Variants in SYT6 observed in about 807,000 individuals in gnomAD.
SYT6 encodes the protein synaptotagmin-6.
In SYT6, 24 loss-of-function variants were observed where a neutral mutation model predicts 38.4. That is an observed-to-expected ratio of 0.62 (90% CI 0.45 to 0.88). The LOEUF is 0.88. SYT6 is among the 40% of genes least tolerant of loss of function. SYT6 has a pLI of 0.00. For missense variants in SYT6, 611 were observed against 621.0 expected, an observed-to-expected ratio of 0.98 and a Z score of 0.17; for synonymous variants, 265 against 241.9, an observed-to-expected ratio of 1.10 and a Z score of -0.89.
At chr1:114,103,498 T>C in intron 4 of SYT6, 103 bp downstream of exon 4, 1 of 1,496,766 alleles carries the variant, frequency 6.7e-7, no homozygotes, top group Non-Finnish European at 9.1e-7. Flanking sequence ...GAGCTGGTGC[T>C]TCTATTCTAA....
At chr1:114,105,341 C>T (rs34817006) in intron 3 of SYT6, among the ~76,000 whole-genome samples, 5,714 of 141,926 alleles carry the variant, frequency 0.04, 187 homozygotes, top group Non-Finnish European at 0.063. Flanking sequence ...GGCCCTGTCT[C>T]CCCCTACCTC....
intron 3 of SYT6, among the ~76,000 whole-genome samples, chr1:114,104,720 A>T (rs1406285617): frequency 6.6e-6 from 1 of 152,196 alleles, no homozygotes; most frequent in Non-Finnish European, 1.5e-5. Context: ...TTTATTGAGC[A>T]CCTGTTATGT....
At chr1:114,118,737 T>C (rs986933513) in intron 3 of SYT6, among the ~76,000 whole-genome samples, 19 of 152,086 alleles carry the variant, frequency 1.2e-4, no homozygotes, top group African/African-American at 4.3e-4. Flanking sequence ...GCATTTCCTC[T>C]CTCACCTCTT....
At chr1:114,097,098 GC>G (rs1372268198) in intron 6 of SYT6, among the ~76,000 whole-genome samples, 1 of 152,200 alleles carries the variant, frequency 6.6e-6, no homozygotes, top group Non-Finnish European at 1.5e-5. Context: ...GTCAGGAGGG[GC>G]CAAGATTGCA....
intron 3 of SYT6, among the ~76,000 whole-genome samples, chr1:114,120,822 C>G (rs1409444228): frequency 1.3e-5 from 2 of 152,200 alleles, no homozygotes; most frequent in African/African-American, 4.8e-5. Context: ...CCTGGGGCAC[C>G]TGCACTCAGG....
chr1:114,103,853 T>TA (rs1676110884), intron 3 of SYT6, 132 bp from the exon 4 acceptor site: 1 of 1,171,448 alleles, frequency 8.5e-7, no homozygotes, highest in African/African-American at 1.5e-5. Flanking sequence ...TTTTTAAGAC[T>TA]AAGGGACTGG....
At chr1:114,094,107 A>C (rs941534074) in intron 6 of SYT6, among the ~76,000 whole-genome samples, 2 of 152,224 alleles carry the variant, frequency 1.3e-5, no homozygotes, top group Non-Finnish European at 2.9e-5. Context: ...AACAGCCCAA[A>C]GAGTAGTAGC....
In SYT6 at chr1:114,139,826, G is replaced by T. The variant is rs769194329; in HGVS notation, c.301C>A (p.Pro101Thr). 2.5e-6 allele frequency: 4 copies of T among 1,601,288 alleles called. No homozygotes were observed. The highest frequency in any genetic ancestry group is 3.4e-5 in the Admixed American group (2 of 58,920). ...KEASSPSSAN[P>T]PLEALQSPSF... is the part of the protein sequence containing the mutation. Reference sequence around the variant, plus strand: ...GGGCTCTGGAGGGCTTCCAAGGGGGGATTAGCAGAAGAGGGACTGGAGGCC... The same window carrying T: ...GGGCTCTGGAGGGCTTCCAAGGGGGTATTAGCAGAAGAGGGACTGGAGGCC... The change falls in exon 2 of 8, where the codon CCC becomes ACC. Residue 101 changes from proline to threonine, a missense_variant. Pro to Thr is a conservative substitution (Grantham distance 38, BLOSUM62 -1). Transcript: ENST00000610222.
intron 3 of SYT6, among the ~76,000 whole-genome samples, chr1:114,126,603 G>C (rs920341184): frequency 2.0e-5 from 3 of 152,216 alleles, no homozygotes; most frequent in Non-Finnish European, 2.9e-5. Flanking sequence ...GGAGCAAGGT[G>C]GGGGGAAGCA....
At chr1:114,152,546 C>T (rs1679498240) in intron 1 of SYT6, 1 of 152,328 alleles carries the variant, frequency 6.6e-6, no homozygotes, top group South Asian at 2.1e-4. Flanking sequence ...GCCCCGGACC[C>T]TCCAGATATC....
At chr1:114,110,778 C>T (rs1308342606) in intron 3 of SYT6, among the ~76,000 whole-genome samples, 2 of 152,168 alleles carry the variant, frequency 1.3e-5, no homozygotes, top group East Asian at 1.9e-4. Context: ...GAGGCCCTCT[C>T]CTCCCATCCT....
intron 4 of SYT6, among the ~76,000 whole-genome samples, chr1:114,102,995 G>A (rs962037272): frequency 1.1e-4 from 16 of 152,196 alleles, no homozygotes; most frequent in Non-Finnish European, 1.5e-4. Flanking sequence ...TTCCTCTGTC[G>A]CTAGAATAAG....
intron 2 of SYT6, among the ~76,000 whole-genome samples, chr1:114,138,466 A>T (rs2101091229): frequency 6.6e-6 from 1 of 152,210 alleles, no homozygotes; most frequent in African/African-American, 2.4e-5. Flanking sequence ...CACCATCATC[A>T]CCATCACCAT....
intron 1 of SYT6, 84 bp downstream of exon 1, chr1:114,153,525 TG>T: frequency 1.8e-6 from 1 of 564,760 alleles, no homozygotes. Context: ...CTCTAGGTTC[TG>T]GGGCTCCTGG....
Position 114,146,978 on chromosome 1 carries a change from G to A in SYT6, c.163+6632C>T, listed in dbSNP as rs7545102. Among the ~76,000 whole-genome samples the A allele has an allele frequency of 7.2e-3, 1,092 of 152,318 alleles. 11 individuals are homozygous for A. Among genetic ancestry groups the A allele is most frequent in the African/African-American group, 0.025 (1,054 of 41,574 alleles). Reference sequence around the variant, plus strand: ...TAATAAATATCACCTATTTTTATTAGAATTAGTTATGCCCAGCCCAATTTG... The same window carrying A: ...TAATAAATATCACCTATTTTTATTAAAATTAGTTATGCCCAGCCCAATTTG... On this transcript the variant is annotated intron_variant, in intron 1 of 7. Coordinates refer to ENST00000610222, the MANE Select transcript of SYT6 (RefSeq NM_001253772.2).
chr1:114,139,351 C>T (rs1396615151), intron 2 of SYT6, among the ~76,000 whole-genome samples: 1 of 152,118 alleles, frequency 6.6e-6, no homozygotes, highest in Non-Finnish European at 1.5e-5. Context: ...TTCCACTATT[C>T]CATTCCCCTC....
At chr1:114,114,342 G>A (rs563407727) in intron 3 of SYT6, among the ~76,000 whole-genome samples, 1 of 152,298 alleles carries the variant, frequency 6.6e-6, no homozygotes, top group Non-Finnish European at 1.5e-5. Context: ...TCAGTACTGA[G>A]CACGGTGCCT....
intron 3 of SYT6, among the ~76,000 whole-genome samples, chr1:114,107,939 G>T (rs1676427678): frequency 6.6e-6 from 1 of 152,224 alleles, no homozygotes; most frequent in East Asian, 1.9e-4. Flanking sequence ...GGCTGCCTTA[G>T]GGCCCCTGAC....
At position 114,089,756 on chromosome 1, in the gene SYT6, GTGGGC is replaced by G. The variant is rs1477802648; in HGVS notation, c.*2373_*2377del. The G allele has an allele frequency of 2.6e-5, 4 of 152,440 alleles. No homozygotes were observed. The highest frequency in any genetic ancestry group is 9.6e-5 in the African/African-American group (4 of 41,458). The allele number at this position is 152,440 out of a possible 1,614,324, so 9.4% of individuals were successfully genotyped here. On this transcript the variant is annotated 3_prime_UTR_variant, in exon 8 of 8. Transcript: ENST00000610222. The stretch of plus-strand genomic sequence containing the variant: ...TGCAGGAGATAAAAGCCTCCCTGGG[GTGGGC>G]TCCCAAGCCTGTAGGAATTGACCCA...
Sources: allele counts gnomAD v4.1 joint callset (sites outside exome capture counted in the v4.1 genomes callset), GRCh38; gene constraint gnomAD v4.1.1; transcripts MANE v1.5; gene names NCBI Gene and HGNC (gene_info 2026-07-23, HGNC 2026-07-21).